The following SLC18A1 variants were observed in gnomAD, a reference collection of about 807,000 sequenced individuals.
The protein encoded by SLC18A1 is solute carrier family 18 member A1, also known as chromaffin granule amine transporter.
In SLC18A1, 69 loss-of-function variants were observed where a neutral mutation model predicts 53.7. The ratio of observed to expected loss-of-function variants is 1.28; its 90% CI spans 1.06 to 1.57. The LOEUF is 1.57. SLC18A1 is among the 40% of genes most tolerant of loss of function. SLC18A1 has a pLI of 0.00. For synonymous variants in SLC18A1, 320 were observed against 248.1 expected, an observed-to-expected ratio of 1.29 and a Z score of -2.72; for missense variants, 932 against 668.1, an observed-to-expected ratio of 1.40 and a Z score of -4.35.
intron 5 of SLC18A1, 40 bp downstream of exon 5, chr8:20,174,321 T>C: frequency 7.4e-7 from 1 of 1,347,308 alleles, no homozygotes; most frequent in South Asian, 1.2e-5. Context: ...TGTGTGTGCA[T>C]GCCTGCATGT....
At chr8:20,170,368 A>G (rs1405033494) in intron 8 of SLC18A1, among the ~76,000 whole-genome samples, 1 of 152,212 alleles carries the variant, frequency 6.6e-6, no homozygotes, top group South Asian at 2.1e-4. Context: ...TAGATGGCGC[A>G]CTAAGCTGAG....
At chr8:20,151,299 A>G (rs150898886) in intron 10 of SLC18A1, among the ~76,000 whole-genome samples, 2 of 151,968 alleles carry the variant, frequency 1.3e-5, no homozygotes, top group East Asian at 1.9e-4. Context: ...GCCTCAGTAC[A>G]TTTAATGTGC....
chr8:20,152,745 C>A (rs2071589360), intron 10 of SLC18A1, among the ~76,000 whole-genome samples: 2 of 152,072 alleles, frequency 1.3e-5, no homozygotes, highest in Non-Finnish European at 1.5e-5. Flanking sequence ...AAGGACTGAG[C>A]CTTGGGGGAC....
At chr8:20,178,976 G>C (rs1563773328) in intron 3 of SLC18A1, 145 bp downstream of exon 3, 2 of 922,618 alleles carry the variant, frequency 2.2e-6, no homozygotes, top group Non-Finnish European at 3.2e-6. Context: ...GTTATTCTTT[G>C]AGTAACGAGC....
At chr8:20,163,917 C>T (rs992382542) in intron 10 of SLC18A1, among the ~76,000 whole-genome samples, 10 of 152,200 alleles carry the variant, frequency 6.6e-5, no homozygotes, top group East Asian at 1.9e-4. Flanking sequence ...TCACTAGTAT[C>T]GAGACCCTGA....
At chr8:20,147,841 G>A in intron 13 of SLC18A1, 119 bp from the exon 14 acceptor site, 4 of 1,490,772 alleles carry the variant, frequency 2.7e-6, no homozygotes, top group Non-Finnish European at 3.6e-6. Flanking sequence ...ACTAACACCT[G>A]TTCCAGGTGG....
chr8:20,161,125 T>C (rs1474221753), intron 10 of SLC18A1, among the ~76,000 whole-genome samples: 2 of 152,146 alleles, frequency 1.3e-5, no homozygotes, highest in African/African-American at 2.4e-5. Flanking sequence ...ATTCAATCCA[T>C]CCCAATAGTT....
chr8:20,155,750 G>C (rs2071667757), intron 10 of SLC18A1, among the ~76,000 whole-genome samples: 1 of 152,156 alleles, frequency 6.6e-6, no homozygotes. Flanking sequence ...CCAAGTATTA[G>C]AGCAAGTTGT....
intron 10 of SLC18A1, among the ~76,000 whole-genome samples, chr8:20,151,670 G>A (rs753500411): frequency 1.3e-5 from 2 of 152,196 alleles, no homozygotes; most frequent in African/African-American, 2.4e-5. Flanking sequence ...ACAGTAGAGG[G>A]AAGTGTTCAG....
intron 14 of SLC18A1, 35 bp downstream of exon 14, chr8:20,147,568 A>T (rs760969758): frequency 6.2e-7 from 1 of 1,612,640 alleles, no homozygotes; most frequent in Admixed American, 1.7e-5. Flanking sequence ...AAGAGTAGAC[A>T]GGGGAAAGTG....
chr8:20,148,172 A>G (rs1563719352), intron 12 of SLC18A1, 102 bp from the exon 13 acceptor site: 5 of 966,968 alleles, frequency 5.2e-6, no homozygotes, highest in Admixed American at 3.9e-5. Context: ...AGAGTGCACT[A>G]TTGGCCACAT....
chr8:20,145,745 A>G lies in SLC18A1; in HGVS notation c.*18T>C. 1.3e-6 allele frequency: 2 copies of G among 1,530,162 alleles called. No individual in the cohort carries two copies. Among genetic ancestry groups the G allele is most frequent in the Non-Finnish European group, 1.8e-6 (2 of 1,110,796 alleles). The allele number at this position is 1,530,162 out of a possible 1,614,324, so 94.8% of individuals were successfully genotyped here. On this transcript the variant is annotated 3_prime_UTR_variant, in exon 16 of 16. Coordinates refer to ENST00000276373, the MANE Select transcript of SLC18A1 (RefSeq NM_003053.4). ...GTGGTCACTGAGGCATCATGAATTC[A>G]AGGAGCACCTTCTGCTGCTACTCCT...
At position 20,147,354 on chromosome 8, in the gene SLC18A1, A is replaced by T. The variant is rs1361854257; in HGVS notation, c.1368T>A (p.Gly456=). Residue 456 remains glycine, a synonymous_variant, in exon 15 of 16, where the codon GGT becomes GGA. Transcript: ENST00000276373. ...CAGTGATGACCATGAGCCAGGGAAA[A>T]CCGATGGCCTTTACAATGGCACCAC... is the stretch of plus-strand genomic sequence containing the variant. ...STGGAIVKAI[G]FPWLMVITGV... is the part of the protein sequence containing the mutation. 3.7e-6 allele frequency: 6 copies of T among 1,612,996 alleles called. No homozygotes were observed. The highest frequency in any genetic ancestry group is 1.3e-5 in the African/African-American group (1 of 74,842).
At chr8:20,170,814 T>C (rs10095858) in intron 8 of SLC18A1, among the ~76,000 whole-genome samples, 117,588 of 151,958 alleles carry the variant, frequency 0.77, 46,264 homozygotes, top group African/African-American at 0.91. Flanking sequence ...TATATATACA[T>C]ACCCCATATA....
chr8:20,178,602 G>C (rs540203424), intron 3 of SLC18A1, 109 bp from the exon 4 acceptor site: 1 of 765,896 alleles, frequency 1.3e-6, no homozygotes, highest in East Asian at 2.7e-5. Context: ...TTGGGTGTAT[G>C]GTAAAACATG....
rs560137424 is a variant in SLC18A1, at chr8:20,179,081, C to T, written c.488+40G>A. On this transcript the variant is annotated intron_variant, in intron 3 of 15. Transcript: ENST00000276373. ...TTTCTATACTTTTCTAGTCCTCCTA[C>T]TCCTGTGTACCCTGCGGGGCACTGC... 15 of 1,563,312 alleles carry T rather than the reference C, an allele frequency of 9.6e-6. No individual in the cohort carries two copies. The African/African-American group carries it at 1.9e-4, about 20-fold the overall frequency.
intron 11 of SLC18A1, among the ~76,000 whole-genome samples, chr8:20,150,058 C>G (rs978968904): frequency 6.6e-6 from 1 of 152,226 alleles, no homozygotes. Context: ...TGTTGCCCAG[C>G]TCAGACTGCC....
At chr8:20,157,899 C>G (rs2071722213) in intron 10 of SLC18A1, among the ~76,000 whole-genome samples, 1 of 152,150 alleles carries the variant, frequency 6.6e-6, no homozygotes. Flanking sequence ...AATCAAATGC[C>G]TAATAGGGCT....
At chr8:20,147,189 A>T in intron 15 of SLC18A1, 69 bp downstream of exon 15, 1 of 1,519,650 alleles carries the variant, frequency 6.6e-7, no homozygotes, top group Non-Finnish European at 8.9e-7. Flanking sequence ...GCCCAGGATG[A>T]AAGGGAATGA....
Sources: allele counts gnomAD v4.1 joint callset (sites outside exome capture counted in the v4.1 genomes callset), GRCh38; gene constraint gnomAD v4.1.1; transcripts MANE v1.5; gene names NCBI Gene and HGNC (gene_info 2026-07-23, HGNC 2026-07-21).